The following H2BC4 variants were observed in gnomAD, a reference collection of about 807,000 sequenced individuals.
H2BC4 encodes the protein H2B clustered histone 4.
In H2BC4, 10 loss-of-function variants were observed where a neutral mutation model predicts 6.2. That is an observed-to-expected ratio of 1.61 (90% CI 0.99 to 2.73). The LOEUF (loss-of-function observed/expected upper bound fraction) is 2.73, where lower values mean the gene tolerates loss of function less well. Among genes scored for constraint, H2BC4 ranks in the 30% most tolerant of loss-of-function variants. The probability of loss-of-function intolerance (pLI) is 0.00; values close to 1 mark genes in which losing one functional copy is unlikely to be tolerated. For missense variants in H2BC4, 176 were observed against 168.7 expected (o/e 1.04, Z -0.24); for synonymous variants, 146 against 70.7 (o/e 2.07, Z -5.35).
intron 1 of H2BC4, among the ~76,000 whole-genome samples, chr6:26,118,350 A>C (rs1763451176): frequency 6.6e-6 from 1 of 151,574 alleles, no homozygotes; most frequent in South Asian, 2.1e-4. Flanking sequence ...GGTCAACTTT[A>C]GTTAAACAAG....
downstream of H2BC4, among the ~76,000 whole-genome samples, chr6:26,113,484 G>A (rs1581686845): frequency 6.6e-6 from 1 of 152,198 alleles, no homozygotes; most frequent in Non-Finnish European, 1.5e-5. Flanking sequence ...ACTGTGAGGT[G>A]GCTATCTACA....
At chr6:26,119,750 T>C, downstream of H2BC4, among the ~76,000 whole-genome samples, 1 of 151,804 alleles carries the variant, frequency 6.6e-6, no homozygotes, top group East Asian at 1.9e-4. Context: ...TAATATTATT[T>C]TTACAGTATA....
downstream of H2BC4, among the ~76,000 whole-genome samples, chr6:26,120,306 C>T (rs1192193624): frequency 6.6e-6 from 1 of 152,044 alleles, no homozygotes; most frequent in South Asian, 2.1e-4. Flanking sequence ...CACAAATTAG[C>T]CAGGCGTGGT....
chr6:26,116,373 T>C (rs1763419875), intron 1 of H2BC4, among the ~76,000 whole-genome samples: 1 of 152,138 alleles, frequency 6.6e-6, no homozygotes, highest in African/African-American at 2.4e-5. Flanking sequence ...AAAGTCCCAT[T>C]ATTATTACAT....
At chr6:26,114,998 T>C (rs1349954389) in exon 2 of H2BC4, 1 of 152,210 alleles carries the variant, frequency 6.6e-6, no homozygotes, top group African/African-American at 2.4e-5. Flanking sequence ...TGTTCATTTG[T>C]CCTTCTTTGA....
chr6:26,119,561 A>T (rs1763471627), downstream of H2BC4, among the ~76,000 whole-genome samples: 1 of 152,154 alleles, frequency 6.6e-6, no homozygotes, highest in African/African-American at 2.4e-5. Flanking sequence ...GACATTATCT[A>T]TTATCATTTA....
downstream of H2BC4, chr6:26,123,418 G>A (rs1763539562): frequency 1.3e-6 from 2 of 1,539,524 alleles, no homozygotes; most frequent in African/African-American, 1.4e-5. Flanking sequence ...ATACCCCTCC[G>A]CCGCCAAATA....
chr6:26,123,783 T>C lies in H2BC4; in HGVS notation c.122A>G (p.Tyr41Cys), dbSNP rs1763557531. 6.2e-7 allele frequency: 1 copy of C among 1,614,156 alleles called. No individual in the cohort carries two copies. The highest frequency in any genetic ancestry group is 8.5e-7 in the Non-Finnish European group (1 of 1,180,054). The part of the protein sequence containing the change: ...KRSRKESYSV[Y>C]VYKVLKQVHP... ...GACCTGTTTCAGCACCTTGTACACG[T>C]ACACAGAGTAACTCTCCTTGCGGCT... The change falls in exon 1 of 1, where the codon TAC becomes TGC. Residue 41 changes from tyrosine to cysteine, a missense_variant. Coordinates refer to ENST00000396984, the MANE Select transcript of H2BC4 (RefSeq NM_003526.3).
rs1375126655 is a variant in H2BC4 at position 26,123,889 on chromosome 6, T to A, written c.16A>T (p.Lys6Ter). MPEPA[K>*]SAPAPKKGSK... is the part of the protein sequence containing the mutation. ...CCCTTCTTCGGGGCGGGAGCAGACT[T>A]GGCTGGCTCAGGCATCTTAAAACAC... The change falls in exon 1 of 1, where the codon AAG becomes TAG. Residue 6 changes from lysine to a stop codon, truncating the protein, a stop_gained. Coordinates refer to ENST00000396984, the MANE Select transcript of H2BC4 (RefSeq NM_003526.3). LOFTEE classifies it high-confidence loss of function. The A allele has an allele frequency of 6.2e-7, 1 of 1,613,932 alleles. No homozygotes were observed. The highest frequency in any genetic ancestry group is 1.3e-5 in the African/African-American group (1 of 74,912).
At chr6:26,121,377 A>G (rs554241117), downstream of H2BC4, among the ~76,000 whole-genome samples, 2 of 152,236 alleles carry the variant, frequency 1.3e-5, no homozygotes, top group African/African-American at 2.4e-5. Flanking sequence ...ATAAACTTTT[A>G]GCATGCAAAA....
rs76160374 is a variant in H2BC4, at chr6:26,116,561, G to A, written c.*10-1426C>T. Among the ~76,000 whole-genome samples, 720 of 152,126 alleles carry A rather than the reference G, an allele frequency of 4.7e-3. 7 individuals are homozygous for A. Among genetic ancestry groups the A allele is most frequent in the African/African-American group, 0.015 (638 of 41,484 alleles). The stretch of plus-strand genomic sequence containing the variant: ...CTTTTTAAAAAATTAGCTTGGCATG[G>A]TGGTGTGCACCTGCTGTGGTTCCAG... On this transcript the variant is annotated intron_variant, in intron 1 of 1. Transcript: ENST00000314332.
chr6:26,122,426 T>G (rs1035583054), downstream of H2BC4, among the ~76,000 whole-genome samples: 6 of 152,194 alleles, frequency 3.9e-5, no homozygotes, highest in African/African-American at 1.4e-4. Flanking sequence ...ATAGGTAGAC[T>G]ACGTCTAACC....
chr6:26,123,597 A>G lies in H2BC4; in HGVS notation c.308T>C (p.Leu103Pro). 6.2e-7 allele frequency: 1 copy of G among 1,614,250 alleles called. No individual in the cohort carries two copies. The highest frequency in any genetic ancestry group is 1.1e-5 in the South Asian group (1 of 91,084). Residue 103 changes from leucine (L) to proline (P), a missense_variant, in exon 1 of 1, where the codon CTT becomes CCT. Coordinates refer to ENST00000396984, the MANE Select transcript of H2BC4 (RefSeq NM_003526.3). ...REIQTAVRLL[L>P]PGELAKHAVS... ...GGCGTGCTTGGCCAGCTCTCCGGGA[A>G]GCAGCAGGCGCACGGCCGTCTGGAT...
At chr6:26,115,169 C>T (rs1190964360) in intron 1 of H2BC4, 1 of 152,116 alleles carries the variant, frequency 6.6e-6, no homozygotes, top group African/African-American at 2.4e-5. Context: ...TGATTCACTT[C>T]TGTAATTTAT....
At chr6:26,116,656 C>A (rs1029803710) in intron 1 of H2BC4, among the ~76,000 whole-genome samples, 1 of 151,972 alleles carries the variant, frequency 6.6e-6, no homozygotes, top group South Asian at 2.1e-4. Flanking sequence ...GATGCGATTG[C>A]GCCACTACAC....
chr6:26,113,364 G>A (rs574170215), downstream of H2BC4, among the ~76,000 whole-genome samples: 6 of 152,290 alleles, frequency 3.9e-5, no homozygotes, highest in South Asian at 1.0e-3. Flanking sequence ...GAGATTCAAT[G>A]TTTTACATGG....
chr6:26,123,365 G>C, downstream of H2BC4: 1 of 1,290,002 alleles, frequency 7.8e-7, no homozygotes, highest in African/African-American at 1.5e-5. Flanking sequence ...CCCTCTCTAA[G>C]CTGCAACACT....
chr6:26,123,685 T>G lies in H2BC4; in HGVS notation c.220A>C (p.Ile74Leu), dbSNP rs1763553962. The change falls in exon 1 of 1, where the codon ATC becomes CTC. Residue 74 changes from isoleucine (I) to leucine (L), a missense_variant. Ile to Leu is a conservative substitution (Grantham distance 5). Coordinates refer to ENST00000396984, the MANE Select transcript of H2BC4 (RefSeq NM_003526.3). ...NSFVNDIFER[I>L]AGEASRLAHY... ...GCCAGGCGGGAAGCCTCGCCCGCGA[T>G]GCGCTCAAATATGTCGTTAACGAAA... 2 of 1,614,272 alleles carry G rather than the reference T, an allele frequency of 1.2e-6. No individual in the cohort carries two copies. Among genetic ancestry groups the G allele is most frequent in the African/African-American group, 1.3e-5 (1 of 75,082 alleles).
chr6:26,119,827 A>G (rs1339035624), downstream of H2BC4, among the ~76,000 whole-genome samples: 1 of 151,992 alleles, frequency 6.6e-6, no homozygotes, highest in South Asian at 2.1e-4. Flanking sequence ...TCTTGATTAG[A>G]TGTATTATAT....
Sources: gnomAD v4.1 joint callset for allele counts (sites outside exome capture counted in the v4.1 genomes callset) on GRCh38, gnomAD v4.1.1 for gene constraint, MANE v1.5 for transcripts, NCBI Gene and HGNC (gene_info 2026-07-23, HGNC 2026-07-21) for gene names.